Variants in CNBD1 observed in about 807,000 individuals in gnomAD.
The protein encoded by CNBD1 is cyclic nucleotide-binding domain-containing protein 1.
CNBD1 carries 71 observed loss-of-function variants against 54.4 expected under a neutral mutation model. The ratio of observed to expected loss-of-function variants is 1.30; its 90% CI spans 1.08 to 1.59. The LOEUF is 1.59. Among genes scored for constraint, CNBD1 ranks in the 40% most tolerant of loss-of-function variants. CNBD1 has a pLI of 0.00. For missense variants in CNBD1, 659 were observed against 518.0 expected (o/e 1.27, Z -2.64); for synonymous variants, 182 against 170.7 (o/e 1.07, Z -0.51).
intron 8 of CNBD1, among the ~76,000 whole-genome samples, chr8:87,324,012 AG>A (rs1178622296): frequency 3.1e-5 from 4 of 129,120 alleles, no homozygotes; most frequent in Non-Finnish European, 5.2e-5. Context: ...TTTAGCATGA[AG>A]GGTTGTTGAA....
chr8:87,413,269 A>T (rs1481845480), intron 2 of CNBD1, among the ~76,000 whole-genome samples: 1 of 152,082 alleles, frequency 6.6e-6, no homozygotes, highest in Non-Finnish European at 1.5e-5. Flanking sequence ...TCCCTTTTGC[A>T]TAGTGAGTTT....
At chr8:87,145,443 G>GA (rs1586288037) in intron 4 of CNBD1, among the ~76,000 whole-genome samples, 1 of 151,880 alleles carries the variant, frequency 6.6e-6, no homozygotes, top group Non-Finnish European at 1.5e-5. Context: ...ATTTTGGAAA[G>GA]AAATGAAATA....
chr8:86,959,171 TTGGC>T, intron 4 of CNBD1, among the ~76,000 whole-genome samples: 1 of 152,366 alleles, frequency 6.6e-6, no homozygotes, highest in Middle Eastern at 3.4e-3. Flanking sequence ...ATGTTGAATA[TTGGC>T]CTCCACTCTC....
intron 8 of CNBD1, among the ~76,000 whole-genome samples, chr8:87,340,420 C>G (rs1253534399): frequency 6.6e-6 from 1 of 152,110 alleles, no homozygotes; most frequent in Non-Finnish European, 1.5e-5. Context: ...ATTGGGCTTC[C>G]TGAATCTGGA....
Position 86,910,953 on chromosome 8 carries a change from G to T in CNBD1, c.272+5759G>T, listed in dbSNP as rs116715476. On this transcript the variant is annotated intron_variant, in intron 3 of 10. Coordinates refer to ENST00000518476, the MANE Select transcript of CNBD1 (RefSeq NM_173538.3). ...GGGCACAAAAAATTGGTCGGATCAG[G>T]TATGCTATTTACATAACACGAAGAA... 8.8e-3 allele frequency among the ~76,000 whole-genome samples: 1,336 copies of T among 152,326 alleles called. 23 individuals carry two copies. Among genetic ancestry groups the T allele is most frequent in the African/African-American group, 0.031 (1,274 of 41,564 alleles).
chr8:87,217,588 TA>T (rs11441946), intron 5 of CNBD1, among the ~76,000 whole-genome samples: 16 of 139,780 alleles, frequency 1.1e-4, no homozygotes, highest in Admixed American at 9.6e-4. Flanking sequence ...TTTTTTTTTT[TA>T]AATAGCCACA....
At chr8:87,413,934 C>G (rs1377617697) in intron 2 of CNBD1, among the ~76,000 whole-genome samples, 2 of 151,484 alleles carry the variant, frequency 1.3e-5, no homozygotes, top group African/African-American at 2.4e-5. Context: ...GGACTGTAAA[C>G]TAGTTCAACC....
chr8:87,317,268 A>G (rs1586007310), intron 8 of CNBD1, among the ~76,000 whole-genome samples: 1 of 151,544 alleles, frequency 6.6e-6, no homozygotes. Flanking sequence ...AGCTTAAGGA[A>G]GTAGCTCAAG....
chr8:87,074,546 G>A (rs751523802), intron 4 of CNBD1, among the ~76,000 whole-genome samples: 16 of 152,064 alleles, frequency 1.1e-4, no homozygotes, highest in African/African-American at 1.4e-4. Context: ...AATATGTATC[G>A]AATCCAAGGC....
intron 4 of CNBD1, among the ~76,000 whole-genome samples, chr8:87,183,037 T>C (rs1813390263): frequency 1.3e-5 from 2 of 152,296 alleles, no homozygotes; most frequent in African/African-American, 2.4e-5. Context: ...TTTAGGGTCT[T>C]ACATTTAAGT....
chr8:87,199,367 C>T (rs1813800696), intron 4 of CNBD1, among the ~76,000 whole-genome samples: 1 of 151,948 alleles, frequency 6.6e-6, no homozygotes, highest in Non-Finnish European at 1.5e-5. Flanking sequence ...TCAGTAAGCT[C>T]GAAGATACAT....
intron 3 of CNBD1, among the ~76,000 whole-genome samples, chr8:86,917,664 A>G (rs556891184): frequency 2.0e-4 from 30 of 152,232 alleles, no homozygotes; most frequent in African/African-American, 7.0e-4. Flanking sequence ...AGAAGCAGAA[A>G]AATCCATTCA....
chr8:87,378,586 G>A (rs1425602522), intron 10 of CNBD1, among the ~76,000 whole-genome samples: 1 of 149,788 alleles, frequency 6.7e-6, no homozygotes, highest in Non-Finnish European at 1.5e-5. Flanking sequence ...GTCAGGTAGT[G>A]TGATGCCTCC....
intron 3 of CNBD1, among the ~76,000 whole-genome samples, chr8:86,921,791 C>G (rs1029981528): frequency 6.6e-6 from 1 of 152,076 alleles, no homozygotes. Context: ...GGGATTCAGC[C>G]AAACTATGTC....
chr8:87,158,130 A>G (rs1053965203), intron 4 of CNBD1, among the ~76,000 whole-genome samples: 2 of 152,184 alleles, frequency 1.3e-5, no homozygotes, highest in African/African-American at 4.8e-5. Context: ...AAGACACTCA[A>G]TAAAGGGAGT....
intron 8 of CNBD1, among the ~76,000 whole-genome samples, chr8:87,297,245 C>A (rs1419540658): frequency 6.7e-6 from 1 of 149,856 alleles, no homozygotes; most frequent in Non-Finnish European, 1.5e-5. Context: ...TAATATGTGA[C>A]CAACATAAAA....
intron 4 of CNBD1, among the ~76,000 whole-genome samples, chr8:87,044,154 T>C (rs577362834): frequency 6.6e-6 from 1 of 152,332 alleles, no homozygotes; most frequent in African/African-American, 2.4e-5. Context: ...CATATTTACA[T>C]TGAAGCTAAT....
At chr8:87,215,517 G>A (rs1814190314) in intron 5 of CNBD1, among the ~76,000 whole-genome samples, 1 of 151,726 alleles carries the variant, frequency 6.6e-6, no homozygotes. Context: ...GAACCCGGGA[G>A]GCGGAGCTTG....
chr8:86,893,358 G>A (rs1586116528), intron 2 of CNBD1, among the ~76,000 whole-genome samples: 1 of 152,294 alleles, frequency 6.6e-6, no homozygotes, highest in African/African-American at 2.4e-5. Flanking sequence ...ACGACTAGAA[G>A]GAAGTGGGGG....
Sources: gnomAD v4.1 joint callset for allele counts (sites outside exome capture counted in the v4.1 genomes callset) on GRCh38, gnomAD v4.1.1 for gene constraint, MANE v1.5 for transcripts, NCBI Gene and HGNC (gene_info 2026-07-23, HGNC 2026-07-21) for gene names.